The following KLHDC10 variants were observed in gnomAD, a reference collection of about 807,000 sequenced individuals.
KLHDC10 encodes the protein kelch domain-containing protein 10.
In KLHDC10, 24 loss-of-function variants were observed where a neutral mutation model predicts 56.1. That is an observed-to-expected ratio of 0.43 (90% CI 0.31 to 0.60). The LOEUF (loss-of-function observed/expected upper bound fraction) is 0.60, where lower values mean the gene tolerates loss of function less well. Ranked by LOEUF, KLHDC10 falls within the 20% of genes least tolerant of loss-of-function variation. The probability of loss-of-function intolerance (pLI) is 0.11; values close to 1 mark genes in which losing one functional copy is unlikely to be tolerated. For synonymous variants in KLHDC10, 188 were observed against 207.1 expected (o/e 0.91, Z 0.79); for missense variants, 349 against 567.0 (o/e 0.62, Z 3.91).
intron 3 of KLHDC10, among the ~76,000 whole-genome samples, chr7:130,117,250 T>G (rs1235491352): frequency 6.6e-6 from 1 of 152,218 alleles, no homozygotes; most frequent in Non-Finnish European, 1.5e-5. Context: ...GGGTTTTGTC[T>G]TGATGTTGGT....
chr7:130,093,217 T>A (rs972148882), intron 1 of KLHDC10, among the ~76,000 whole-genome samples: 2 of 146,268 alleles, frequency 1.4e-5, no homozygotes, highest in Non-Finnish European at 3.0e-5. Flanking sequence ...TATTATTATT[T>A]TTGTGGAGAC....
intron 8 of KLHDC10, 46 bp downstream of exon 8, chr7:130,127,497 C>A (rs763019112): frequency 2.2e-6 from 3 of 1,347,680 alleles, no homozygotes; most frequent in Non-Finnish European, 3.2e-6. Flanking sequence ...GTAATTGTAT[C>A]TTCTGAAAAT....
chr7:130,077,471 CTTA>C lies in KLHDC10; in HGVS notation c.166+6667_166+6669del, dbSNP rs1218739397. ...ATTTTTTTATATAGGCCTCACATTTCTTATTATGTTTATTCCTTGGTGTTTATC... is the reference window on the plus strand; with the variant it reads ...ATTTTTTTATATAGGCCTCACATTTCTTATGTTTATTCCTTGGTGTTTATC... On this transcript the variant is annotated intron_variant, in intron 1 of 9. Transcript: ENST00000335420. 4.3e-5 allele frequency among the ~76,000 whole-genome samples: 6 copies of C among 139,904 alleles called. No homozygotes were observed. In the South Asian group the frequency reaches 7.3e-4, roughly 17 times the overall value. The allele number at this position is 139,904 out of a possible 152,430, so 91.8% of individuals were successfully genotyped here.
chr7:130,077,353 CAAAAAAAA>C (rs35132418), intron 1 of KLHDC10, among the ~76,000 whole-genome samples: 31 of 17,896 alleles, frequency 1.7e-3, no homozygotes, highest in East Asian at 7.2e-3. Flanking sequence ...GACTCTGTCT[CAAAAAAAA>C]AAAAAAAAAA....
chr7:130,098,884 C>G (rs1456873675), intron 2 of KLHDC10, among the ~76,000 whole-genome samples: 2 of 152,070 alleles, frequency 1.3e-5, no homozygotes, highest in African/African-American at 4.8e-5. Context: ...AAAAAGATTG[C>G]ACAGGTAAGT....
At chr7:130,122,461 A>G (rs1170447292) in intron 5 of KLHDC10, among the ~76,000 whole-genome samples, 1 of 152,212 alleles carries the variant, frequency 6.6e-6, no homozygotes, top group Non-Finnish European at 1.5e-5. Context: ...TGCATTAGGA[A>G]GATAGTAACA....
chr7:130,103,169 T>G (rs1043983072), intron 2 of KLHDC10, among the ~76,000 whole-genome samples: 2 of 152,070 alleles, frequency 1.3e-5, no homozygotes, highest in Admixed American at 6.5e-5. Context: ...CTCACACCTG[T>G]AATCCCAGCA....
chr7:130,120,925 T>C lies in KLHDC10; in HGVS notation c.630+22T>C, dbSNP rs1796239942. On this transcript the variant is annotated intron_variant, in intron 4 of 9. Transcript: ENST00000335420. This position sits in a 1 kb window ranked among gnomAD's most constrained non-coding sequence, Gnocchi z 5.1. ...ACAGGTACCAATCTGTGGCCAGTCATGGTGTATTTGTTCATATTTTTCTAG... is the reference window on the plus strand; with the variant it reads ...ACAGGTACCAATCTGTGGCCAGTCACGGTGTATTTGTTCATATTTTTCTAG... 6.2e-7 allele frequency: 1 copy of C among 1,609,086 alleles called. No homozygotes were observed. Among genetic ancestry groups the C allele is most frequent in the Non-Finnish European group, 8.5e-7 (1 of 1,177,384 alleles).
chr7:130,107,325 A>G (rs549261404), intron 2 of KLHDC10, among the ~76,000 whole-genome samples: 1 of 152,318 alleles, frequency 6.6e-6, no homozygotes, highest in South Asian at 2.1e-4. Context: ...TTAATAACAG[A>G]TGATCTGATT....
intron 3 of KLHDC10, among the ~76,000 whole-genome samples, chr7:130,118,686 G>T (rs1796204981): frequency 6.6e-6 from 1 of 152,174 alleles, no homozygotes; most frequent in Non-Finnish European, 1.5e-5. Flanking sequence ...TTTAAAGTTA[G>T]ATACGGTAGA....
chr7:130,079,784 C>T (rs1203849976), intron 1 of KLHDC10, among the ~76,000 whole-genome samples: 2 of 123,450 alleles, frequency 1.6e-5, no homozygotes, highest in Admixed American at 8.6e-5. Context: ...CTCCTCCCTT[C>T]CCACACCTCC....
chr7:130,094,168 T>G (rs1042400478), intron 1 of KLHDC10, among the ~76,000 whole-genome samples: 1 of 152,098 alleles, frequency 6.6e-6, no homozygotes, highest in Non-Finnish European at 1.5e-5. Context: ...TCAAGTGATC[T>G]GCCCGCCTTG....
At chr7:130,074,337 C>A (rs1795466770) in intron 1 of KLHDC10, among the ~76,000 whole-genome samples, 1 of 152,124 alleles carries the variant, frequency 6.6e-6, no homozygotes. Context: ...TCTCTTCTCT[C>A]TGTAACACTC....
At position 130,070,723 on chromosome 7, in the gene KLHDC10, C is replaced by T; in HGVS notation, c.80C>T (p.Ala27Val). 7.8e-7 allele frequency: 1 copy of T among 1,276,392 alleles called. No individual in the cohort carries two copies. The highest frequency in any genetic ancestry group is 3.0e-4 in the Middle Eastern group (1 of 3,286). 79.1% of individuals were successfully genotyped at this position (1,276,392 alleles called of 1,614,324 possible). A position where few individuals can be genotyped will look rare whatever the true frequency, so the allele number is the denominator to read the frequency against. The stretch of plus-strand genomic sequence containing the variant: ...GGCGCTGGTGGCGGAGGTAGCGGGG[C>T]CGGCGGGGGCAGTGGGGGCAGCGGG... Reference protein sequence around the residue: ...AAGAGGGGSGAGGGSGGSGGR... With the variant: ...AAGAGGGGSGVGGGSGGSGGR... Residue 27 changes from alanine (A) to valine (V), a missense_variant, in exon 1 of 10, where the codon GCC becomes GTC. Physicochemically the swap from Ala to Val is moderately conservative, Grantham distance 64 (BLOSUM62 0). Transcript: ENST00000335420.
In KLHDC10 at chr7:130,116,590, G is replaced by A. The variant is rs544311582; in HGVS notation, c.399G>A (p.Arg133=). The change falls in exon 3 of 10, where the codon AGG becomes AGA. Residue 133 remains arginine (R), a synonymous_variant. Transcript: ENST00000335420. The surrounding 1 kb of genome is among the most constrained non-coding windows in gnomAD (Gnocchi z 4.8). ...EDYPLFRELW[R]YHFATGVWHQ... is the part of the protein sequence containing the mutation. ...ATCCTCTCTTCAGGGAACTCTGGAG[G>A]TATCATTTTGCTACAGGAGTATGGC... The A allele has an allele frequency of 5.0e-6, 8 of 1,614,130 alleles. No individual in the cohort carries two copies. The African/African-American group carries it at 5.3e-5, about 11-fold the overall frequency.
Position 130,070,569 on chromosome 7 carries a change from C to G in KLHDC10, c.-75C>G. 8.0e-7 allele frequency: 1 copy of G among 1,252,256 alleles called. No homozygotes were observed. Among genetic ancestry groups the G allele is most frequent in the East Asian group, 2.9e-5 (1 of 34,196 alleles). 77.6% of individuals were successfully genotyped at this position (1,252,256 alleles called of 1,614,324 possible). On this transcript the variant is annotated 5_prime_UTR_variant, in exon 1 of 10. Coordinates refer to ENST00000335420, the MANE Select transcript of KLHDC10 (RefSeq NM_014997.4). ...CCTGTCTCCTGGGTCTCTGGAGGAG[C>G]CCAGGAAGGAGGCTCCGCTGGTTCC...
chr7:130,107,145 A>G (rs1346835042), intron 2 of KLHDC10, among the ~76,000 whole-genome samples: 1 of 152,212 alleles, frequency 6.6e-6, no homozygotes, highest in African/African-American at 2.4e-5. Context: ...CATAATACAT[A>G]ACGGCATAAC....
intron 2 of KLHDC10, among the ~76,000 whole-genome samples, chr7:130,113,417 C>T (rs1796127292): frequency 6.6e-6 from 1 of 151,874 alleles, no homozygotes. Context: ...ACTGCAACCT[C>T]CACCTCCCAG....
chr7:130,120,606 C>T lies in KLHDC10; in HGVS notation c.476-143C>T. 1 of 787,976 alleles carries T rather than the reference C, an allele frequency of 1.3e-6. No homozygotes were observed. Among genetic ancestry groups the T allele is most frequent in the Non-Finnish European group, 2.0e-6 (1 of 501,182 alleles). 48.8% of individuals were successfully genotyped at this position (787,976 alleles called of 1,614,324 possible). On this transcript the variant is annotated intron_variant, in intron 3 of 9. Transcript: ENST00000335420. This position sits in a 1 kb window ranked among gnomAD's most constrained non-coding sequence, Gnocchi z 5.1. ...AGATTTTCAGATTTGGCACGCTCAG[C>T]TACTAGTTAGATGTCAGTGGTTTGA...
Sources: allele counts gnomAD v4.1 joint callset (sites outside exome capture counted in the v4.1 genomes callset), GRCh38; gene constraint gnomAD v4.1.1; non-coding constraint Gnocchi (gnomAD v3.1); transcripts MANE v1.5; gene names NCBI Gene and HGNC (gene_info 2026-07-23, HGNC 2026-07-21).